Variants in LRRC49 observed in about 807,000 individuals in gnomAD.
The protein encoded by LRRC49 is leucine-rich repeat-containing protein 49.
Under a neutral mutation model 83.3 loss-of-function variants are expected in LRRC49, and 50 were observed. The observed-to-expected ratio is 0.60, with a 90% confidence interval of 0.48 to 0.76. The LOEUF is 0.76. Ranked by LOEUF, LRRC49 falls within the 30% of genes least tolerant of loss-of-function variation. The pLI is 0.00. For missense variants in LRRC49, 704 were observed against 809.1 expected, an observed-to-expected ratio of 0.87 and a Z score of 1.58; for synonymous variants, 286 against 283.3, an observed-to-expected ratio of 1.01 and a Z score of -0.10.
intron 11 of LRRC49, among the ~76,000 whole-genome samples, chr15:70,994,750 C>T (rs1261042935): frequency 2.0e-5 from 3 of 152,232 alleles, no homozygotes; most frequent in Non-Finnish European, 4.4e-5. Flanking sequence ...GCTGGGATTA[C>T]AGGCATGAGC....
At chr15:70,962,361 T>C (rs1048249328) in intron 8 of LRRC49, among the ~76,000 whole-genome samples, 3 of 152,156 alleles carry the variant, frequency 2.0e-5, no homozygotes, top group Non-Finnish European at 2.9e-5. Flanking sequence ...TTTATAGATA[T>C]ATGCATATAC....
At chr15:71,048,717 C>T (rs895273617) in intron 15 of LRRC49, 1 of 439,356 alleles carries the variant, frequency 2.3e-6, no homozygotes, top group East Asian at 7.0e-5. Flanking sequence ...AATTGGGGCA[C>T]AATATTCAAA....
intron 14 of LRRC49, among the ~76,000 whole-genome samples, chr15:71,032,370 C>T (rs1237869121): frequency 6.6e-6 from 1 of 152,016 alleles, no homozygotes; most frequent in African/African-American, 2.4e-5. Context: ...CAGAAATCAC[C>T]CGCCTTCTGT....
intron 15 of LRRC49, among the ~76,000 whole-genome samples, chr15:71,040,545 C>A (rs141724579): frequency 1.3e-5 from 2 of 152,028 alleles, no homozygotes. Context: ...AGCGGCCGGG[C>A]GCGGTGGCTC....
chr15:70,964,248 G>C lies in LRRC49; in HGVS notation c.921+316G>C. On this transcript the variant is annotated intron_variant, in intron 9 of 15. Transcript: ENST00000260382. ...ATTTCTTTAAGTTATGTAGCATAGT[G>C]GTTAAGAGCATGGACACTGGAGCCA... Among the ~76,000 whole-genome samples the C allele has an allele frequency of 1.3e-5, 2 of 152,086 alleles. 1 individual carries two copies. Among genetic ancestry groups the C allele is most frequent in the Admixed American group, 1.3e-4 (2 of 15,250 alleles).
rs115647224 is a variant in LRRC49, at chr15:70,929,741, G to A, written c.712-7020G>A. 3.4e-3 allele frequency among the ~76,000 whole-genome samples: 523 copies of A among 152,298 alleles called. 5 individuals are homozygous for A. Among genetic ancestry groups the A allele is most frequent in the African/African-American group, 0.012 (509 of 41,558 alleles). On this transcript the variant is annotated intron_variant, in intron 7 of 15. Coordinates refer to ENST00000260382, the MANE Select transcript of LRRC49 (RefSeq NM_017691.5). ...GTTAATGTGATATTCTAAGTTGTTT[G>A]TTGTCATTTCAGCAATGTTCATAGC...
chr15:71,049,864 G>A lies in LRRC49; in HGVS notation c.*252G>A, dbSNP rs2039967596. 2 of 372,846 alleles carry A rather than the reference G, an allele frequency of 5.4e-6. No homozygotes were observed. Among genetic ancestry groups the A allele is most frequent in the Non-Finnish European group, 9.6e-6 (2 of 208,806 alleles). The allele number at this position is 372,846 out of a possible 1,614,324, so 23.1% of individuals were successfully genotyped here. ...GAACTAAACAGTTTTCAGAGATGGC[G>A]TGGCACTGCATCCTTGGTTCTTGCT... On this transcript the variant is annotated 3_prime_UTR_variant, in exon 16 of 16. Transcript: ENST00000260382.
At chr15:71,040,726 A>G (rs1280711551) in intron 15 of LRRC49, among the ~76,000 whole-genome samples, 1 of 149,408 alleles carries the variant, frequency 6.7e-6, no homozygotes, top group Non-Finnish European at 1.5e-5. Context: ...AGGCTGAGGC[A>G]GGAGAATGGC....
chr15:70,928,611 A>G (rs2035296296), intron 7 of LRRC49, among the ~76,000 whole-genome samples: 1 of 151,940 alleles, frequency 6.6e-6, no homozygotes. Context: ...CTTGTTGCCT[A>G]TGCTGGAGTG....
chr15:70,859,748 G>C, intron 1 of LRRC49: 1 of 715,420 alleles, frequency 1.4e-6, no homozygotes, highest in East Asian at 2.9e-5. Context: ...GGAGCTGGCC[G>C]TTAAGGATGC....
At chr15:70,936,988 T>A (rs2141158456) in intron 8 of LRRC49, among the ~76,000 whole-genome samples, 166 bp downstream of exon 8, 1 of 152,386 alleles carries the variant, frequency 6.6e-6, no homozygotes, top group South Asian at 2.1e-4. Flanking sequence ...CTCTTGTGTG[T>A]ATTCTTGCCT....
chr15:70,899,004 T>C (rs1444266829), intron 3 of LRRC49, among the ~76,000 whole-genome samples: 1 of 152,200 alleles, frequency 6.6e-6, no homozygotes, highest in East Asian at 1.9e-4. Context: ...CCTTTTACCC[T>C]AATCATTCTT....
Position 71,035,149 on chromosome 15 carries a change from G to A in LRRC49, c.1704-2030G>A, listed in dbSNP as rs191523210. On this transcript the variant is annotated intron_variant, in intron 14 of 15. Transcript: ENST00000260382. ...ATAAGAGGAACCAATTAAGTAAATT[G>A]TGATATATATCACAATTGATTTTTA... Among the ~76,000 whole-genome samples, 261 of 152,004 alleles carry A rather than the reference G, an allele frequency of 1.7e-3. 1 individual carries two copies. Among genetic ancestry groups the A allele is most frequent in the Non-Finnish European group, 2.2e-3 (152 of 67,962 alleles).
intron 1 of LRRC49, chr15:70,853,743 G>C (rs1224895408): frequency 1.3e-5 from 7 of 544,136 alleles, no homozygotes; most frequent in African/African-American, 1.2e-4. Context: ...CTGACTCAGG[G>C]GCTCGGCCCG....
At chr15:70,925,856 C>G (rs531748247) in intron 7 of LRRC49, among the ~76,000 whole-genome samples, 88 of 152,246 alleles carry the variant, frequency 5.8e-4, no homozygotes, top group African/African-American at 2.0e-3. Flanking sequence ...ACACAATCAA[C>G]TGTACAGTTC....
At chr15:71,022,521 T>C (rs574179371) in intron 14 of LRRC49, among the ~76,000 whole-genome samples, 1 of 152,280 alleles carries the variant, frequency 6.6e-6, no homozygotes, top group East Asian at 1.9e-4. Flanking sequence ...ACAACATAAA[T>C]ACTTACCGAA....
chr15:71,000,820 A>G (rs964027298), intron 11 of LRRC49, among the ~76,000 whole-genome samples: 6 of 151,680 alleles, frequency 4.0e-5, no homozygotes, highest in African/African-American at 1.2e-4. Flanking sequence ...ATTTTATATC[A>G]TATTATTAGT....
At chr15:71,036,950 A>G (rs2039538487) in intron 14 of LRRC49, among the ~76,000 whole-genome samples, 2 of 152,090 alleles carry the variant, frequency 1.3e-5, no homozygotes. Context: ...AATGTTTGAG[A>G]CGTATTTTCA....
chr15:70,998,612 C>T (rs2141248888), intron 11 of LRRC49, among the ~76,000 whole-genome samples: 1 of 152,004 alleles, frequency 6.6e-6, no homozygotes, highest in Non-Finnish European at 1.5e-5. Flanking sequence ...AAGATTGTCT[C>T]TTTATTTTTG....
Sources: gnomAD v4.1 joint callset for allele counts (sites outside exome capture counted in the v4.1 genomes callset) on GRCh38, gnomAD v4.1.1 for gene constraint, MANE v1.5 for transcripts, NCBI Gene and HGNC (gene_info 2026-07-23, HGNC 2026-07-21) for gene names.